The following AIM2 variants were observed in gnomAD, a reference collection of about 807,000 sequenced individuals.
AIM2 encodes absent in melanoma 2.
AIM2 carries 30 observed loss-of-function variants against 27.7 expected under a neutral mutation model. The observed-to-expected ratio is 1.08, with a 90% confidence interval of 0.81 to 1.47. AIM2 has a LOEUF of 1.47. Among genes scored for constraint, AIM2 ranks in the 40% most tolerant of loss-of-function variants. AIM2 has a pLI of 0.00. For missense variants in AIM2, 358 were observed against 411.3 expected, an observed-to-expected ratio of 0.87 and a Z score of 1.12; for synonymous variants, 141 against 145.3, an observed-to-expected ratio of 0.97 and a Z score of 0.21.
chr1:159,073,167 G>T, intron 2 of AIM2, 71 bp downstream of exon 2: 1 of 1,574,088 alleles, frequency 6.4e-7, no homozygotes, highest in South Asian at 1.1e-5. Context: ...CATATCCCAG[G>T]GATGCCATGA....
chr1:159,075,877 T>C (rs1196816131), intron 1 of AIM2, among the ~76,000 whole-genome samples: 1 of 152,152 alleles, frequency 6.6e-6, no homozygotes, highest in Non-Finnish European at 1.5e-5. Context: ...TGATTGTGAA[T>C]TTTAGGGAAG....
At chr1:159,142,149 G>C (rs138263544), upstream of AIM2, among the ~76,000 whole-genome samples, 31 of 152,080 alleles carry the variant, frequency 2.0e-4, no homozygotes, top group Admixed American at 1.9e-3. Context: ...GAAAACCCTC[G>C]ATCCCAGAGA....
intron 1 of AIM2, among the ~76,000 whole-genome samples, chr1:159,138,193 C>T (rs761333743): frequency 3.9e-5 from 6 of 152,128 alleles, no homozygotes; most frequent in Non-Finnish European, 7.4e-5. Flanking sequence ...GGGTTGAGAA[C>T]ATTGTCCTAG....
chr1:159,103,345 GAAC>G (rs2102020417), intron 1 of AIM2, among the ~76,000 whole-genome samples: 1 of 151,174 alleles, frequency 6.6e-6, no homozygotes, highest in South Asian at 2.1e-4. Context: ...AGCAGTGTGA[GAAC>G]AGGCTAATAC....
In AIM2 at chr1:159,068,671, G is replaced by A. The variant is rs751798059; in HGVS notation, c.293C>T (p.Pro98Leu). 1.2e-6 allele frequency: 2 copies of A among 1,613,584 alleles called. No homozygotes were observed. Among genetic ancestry groups the A allele is most frequent in the Non-Finnish European group, 1.7e-6 (2 of 1,179,774 alleles). Residue 98 changes from proline (P) to leucine (L), a missense_variant, in exon 3 of 6, where the codon CCA becomes CTA. Physicochemically the swap from Pro to Leu is moderately conservative, Grantham distance 98 (BLOSUM62 -3). Coordinates refer to ENST00000368130, the MANE Select transcript of AIM2 (RefSeq NM_004833.3). ...VDKQYKSVTK[P>L]KPLSQAEMSP... is the part of the protein sequence containing the mutation. ...CATTTCAGCTTGACTTAGTGGCTTT[G>A]GTTTTGTTACCGATTTGTATTGCTT... is the stretch of plus-strand genomic sequence containing the variant.
At chr1:159,069,332 T>G (rs1377838265) in intron 2 of AIM2, among the ~76,000 whole-genome samples, 6 of 152,066 alleles carry the variant, frequency 3.9e-5, no homozygotes, top group African/African-American at 1.4e-4. Flanking sequence ...CATACAAAGA[T>G]AAGTATATAA....
intron 1 of AIM2, among the ~76,000 whole-genome samples, chr1:159,122,573 G>A (rs2102041281): frequency 6.6e-6 from 1 of 152,298 alleles, no homozygotes. Context: ...GCTCTAGGAG[G>A]ATTACTTGGG....
chr1:159,114,410 T>A (rs1035191472), intron 1 of AIM2, among the ~76,000 whole-genome samples: 1 of 152,122 alleles, frequency 6.6e-6, no homozygotes, highest in East Asian at 1.9e-4. Flanking sequence ...AAAACACTAG[T>A]GTACTTCCAG....
the AIM2 span, among the ~76,000 whole-genome samples, chr1:159,057,399 C>G: frequency 6.6e-6 from 1 of 152,190 alleles, no homozygotes; most frequent in African/African-American, 2.4e-5. Flanking sequence ...TGTGACACAC[C>G]TAGATAACTG....
intron 2 of AIM2, among the ~76,000 whole-genome samples, chr1:159,069,162 A>C (rs1280188273): frequency 1.3e-5 from 2 of 151,954 alleles, no homozygotes; most frequent in Non-Finnish European, 2.9e-5. Context: ...AAAAAAGACA[A>C]GAAACAAAAA....
chr1:159,080,539 T>TA (rs972584561), upstream of AIM2, among the ~76,000 whole-genome samples: 1 of 152,202 alleles, frequency 6.6e-6, no homozygotes, highest in African/African-American at 2.4e-5. Flanking sequence ...ATGCTAATTT[T>TA]AAAAAATGTA....
downstream of AIM2, among the ~76,000 whole-genome samples, chr1:159,061,923 A>C (rs1340265210): frequency 6.6e-6 from 1 of 152,148 alleles, no homozygotes; most frequent in Admixed American, 6.5e-5. Flanking sequence ...ATTTTCTCCC[A>C]TGTTTTCTTG....
At chr1:159,127,428 CA>C (rs1258876299) in intron 1 of AIM2, among the ~76,000 whole-genome samples, 3 of 152,196 alleles carry the variant, frequency 2.0e-5, no homozygotes, top group African/African-American at 4.8e-5. Context: ...TGTGTCCCCA[CA>C]AAATTCCTAT....
At chr1:159,075,866 C>CTGAT (rs1454562259) in intron 1 of AIM2, among the ~76,000 whole-genome samples, 3 of 152,086 alleles carry the variant, frequency 2.0e-5, no homozygotes, top group African/African-American at 7.2e-5. Flanking sequence ...CTGAAAATAA[C>CTGAT]TGATTGTGAA....
intron 1 of AIM2, among the ~76,000 whole-genome samples, chr1:159,116,019 A>G (rs1647337948): frequency 6.6e-6 from 1 of 152,214 alleles, no homozygotes; most frequent in Admixed American, 6.5e-5. Context: ...ATAAGTGGAC[A>G]AAGGATATGA....
At chr1:159,122,598 T>C (rs1647565992) in intron 1 of AIM2, among the ~76,000 whole-genome samples, 1 of 152,140 alleles carries the variant, frequency 6.6e-6, no homozygotes, top group Admixed American at 6.6e-5. Context: ...AGTCCTGGGA[T>C]CCACTTGTTC....
At chr1:159,108,370 A>C (rs1342484952) in intron 1 of AIM2, among the ~76,000 whole-genome samples, 1 of 152,184 alleles carries the variant, frequency 6.6e-6, no homozygotes, top group African/African-American at 2.4e-5. Context: ...ACTTAGCAAA[A>C]CTGGCTTACA....
chr1:159,125,050 C>T (rs1378639611), intron 1 of AIM2, among the ~76,000 whole-genome samples: 1 of 152,090 alleles, frequency 6.6e-6, no homozygotes, highest in Non-Finnish European at 1.5e-5. Context: ...TAGCAGTGTC[C>T]CCAGGGAACA....
chr1:159,099,462 G>A (rs1657266608), intron 1 of AIM2, among the ~76,000 whole-genome samples: 1 of 152,160 alleles, frequency 6.6e-6, no homozygotes, highest in Non-Finnish European at 1.5e-5. Flanking sequence ...CACGACTCAG[G>A]ATTCATTCCA....
Sources: allele counts gnomAD v4.1 joint callset (sites outside exome capture counted in the v4.1 genomes callset), GRCh38; gene constraint gnomAD v4.1.1; transcripts MANE v1.5; gene names NCBI Gene and HGNC (gene_info 2026-07-23, HGNC 2026-07-21).